The following CEMIP variants were observed in gnomAD, a reference collection of about 807,000 sequenced individuals.
The protein encoded by CEMIP is cell migration inducing hyaluronidase 1, also known as cell migration-inducing and hyaluronan-binding protein.
A neutral mutation model predicts 156.9 loss-of-function variants in CEMIP; 105 were observed. The observed-to-expected ratio is 0.67, with a 90% CI of 0.57 to 0.79. The LOEUF (loss-of-function observed/expected upper bound fraction) is 0.79. CEMIP is among the 30% of genes least tolerant of loss of function. CEMIP has a pLI of 0.00. For missense variants in CEMIP, 1,457 were observed against 1,769.4 expected, an observed-to-expected ratio of 0.82 and a Z score of 3.17; for synonymous variants, 676 against 668.4, an observed-to-expected ratio of 1.01 and a Z score of -0.17.
At chr15:80,888,531 A>T (rs564702066) in intron 8 of CEMIP, among the ~76,000 whole-genome samples, 170 bp from the exon 9 acceptor site, 1 of 152,180 alleles carries the variant, frequency 6.6e-6, no homozygotes, top group East Asian at 1.9e-4. Context: ...ATGGATGATC[A>T]TCTCTTCCCA....
At chr15:80,887,374 C>T (rs1472857839) in intron 7 of CEMIP, among the ~76,000 whole-genome samples, 3 of 152,270 alleles carry the variant, frequency 2.0e-5, no homozygotes, top group Non-Finnish European at 2.9e-5. Flanking sequence ...TTGAGCCTGG[C>T]GGGTGGTATA....
chr15:80,923,219 G>C (rs1288354255), intron 17 of CEMIP, among the ~76,000 whole-genome samples: 3 of 152,084 alleles, frequency 2.0e-5, no homozygotes, highest in Non-Finnish European at 2.9e-5. Flanking sequence ...TAGTGTCATG[G>C]GGCAGTGAGC....
chr15:80,844,246 C>T (rs529200667), intron 1 of CEMIP, among the ~76,000 whole-genome samples: 1 of 152,236 alleles, frequency 6.6e-6, no homozygotes, highest in South Asian at 2.1e-4. Flanking sequence ...GCGCCCTCCC[C>T]CTGCCTGGGA....
At chr15:80,925,826 A>G in intron 19 of CEMIP, 71 bp downstream of exon 19, 1 of 1,561,492 alleles carries the variant, frequency 6.4e-7, no homozygotes. Flanking sequence ...CCCTACAGAG[A>G]CAGGAGAGCA....
chr15:80,861,297 G>A (rs1039436122), intron 1 of CEMIP, among the ~76,000 whole-genome samples: 3 of 152,084 alleles, frequency 2.0e-5, no homozygotes, highest in Non-Finnish European at 2.9e-5. Context: ...AGTACACATC[G>A]ACTCACTCCT....
chr15:80,828,114 C>A (rs1289711538), intron 1 of CEMIP, among the ~76,000 whole-genome samples: 1 of 152,182 alleles, frequency 6.6e-6, no homozygotes, highest in East Asian at 1.9e-4. Context: ...TGTGGTGGCT[C>A]ACGCCTATAA....
chr15:80,848,139 C>T (rs1175805275), intron 1 of CEMIP, among the ~76,000 whole-genome samples: 2 of 152,140 alleles, frequency 1.3e-5, no homozygotes, highest in Non-Finnish European at 2.9e-5. Context: ...ATCAGAAAGC[C>T]TGGAAAAACA....
chr15:80,817,602 AAAT>A (rs59356064), intron 1 of CEMIP, among the ~76,000 whole-genome samples: 4,651 of 138,732 alleles, frequency 0.034, 156 homozygotes, highest in African/African-American at 0.087. Flanking sequence ...CCCTGTCTCA[AAAT>A]AATAATAATA....
In CEMIP at chr15:80,925,625, T is replaced by A; in HGVS notation, c.2290T>A (p.Tyr764Asn). 6.2e-7 allele frequency: 1 copy of A among 1,612,420 alleles called. No individual in the cohort carries two copies. The highest frequency in any genetic ancestry group is 2.2e-5 in the East Asian group (1 of 44,870). ...RPFLSIISAR[Y>N]SPHQDADPLK... is the part of the protein sequence containing the mutation. ...GCCCTCCCCATGGTTGTGCTGCAGATACAGCCCTCACCAGGACGCCGACCC... is the reference window on the plus strand; with the variant it reads ...GCCCTCCCCATGGTTGTGCTGCAGAAACAGCCCTCACCAGGACGCCGACCC... The change falls in exon 19 of 30, where the codon TAC becomes AAC. Residue 764 changes from tyrosine to asparagine, a missense_variant and splice_region_variant. Physicochemically the swap from Tyr to Asn is moderately radical, Grantham distance 143. Around this residue, in one of 5 missense-constraint regions of CEMIP, gnomAD observed 798 missense variants for 980.1 expected, o/e 0.81. Transcript: ENST00000394685.
chr15:80,921,099 G>C lies in CEMIP; in HGVS notation c.2071G>C (p.Glu691Gln). The C allele has an allele frequency of 6.2e-7, 1 of 1,613,948 alleles. No homozygotes were observed. The highest frequency in any genetic ancestry group is 1.1e-5 in the South Asian group (1 of 91,062). Reference protein sequence around the residue: ...NLINCAAAGSEETGFWFIFHH... With the variant: ...NLINCAAAGSQETGFWFIFHH... ...CATCAACTGTGCCGCTGCAGGATCT[G>C]AGGTGAGCAGAAATATTCCTTCTTT... The change falls in exon 16 of 30, where the codon GAG becomes CAG. Residue 691 changes from glutamate (E) to glutamine (Q), a missense_variant and splice_region_variant. Glu to Gln is a conservative substitution (Grantham distance 29, BLOSUM62 2). Around this residue, in one of 5 missense-constraint regions of CEMIP, gnomAD observed 798 missense variants for 980.1 expected, o/e 0.81. Coordinates refer to ENST00000394685, the MANE Select transcript of CEMIP (RefSeq NM_001293298.2).
At chr15:80,789,976 G>A (rs1221078199) in intron 1 of CEMIP, among the ~76,000 whole-genome samples, 2 of 152,212 alleles carry the variant, frequency 1.3e-5, no homozygotes, top group East Asian at 1.9e-4. Flanking sequence ...GGGGGAACGA[G>A]GGGCAGAGAG....
intron 1 of CEMIP, among the ~76,000 whole-genome samples, chr15:80,832,322 C>CTCTCTGTGTG (rs1555429057): frequency 1.0e-4 from 13 of 128,108 alleles, no homozygotes; most frequent in South Asian, 5.6e-4. Flanking sequence ...AAAATAAACT[C>CTCTCTGTGTG]TGTGTGTGTG....
intron 1 of CEMIP, among the ~76,000 whole-genome samples, chr15:80,818,314 C>G (rs1264094581): frequency 6.6e-6 from 1 of 152,170 alleles, no homozygotes; most frequent in Non-Finnish European, 1.5e-5. Context: ...TAAGACTTCA[C>G]TTGTGTGACA....
intron 14 of CEMIP, chr15:80,909,735 G>A: frequency 2.3e-6 from 1 of 426,720 alleles, no homozygotes; most frequent in South Asian, 1.6e-5. Context: ...TGAACCAAGT[G>A]TTCCTTCAGA....
intron 9 of CEMIP, 128 bp downstream of exon 9, chr15:80,888,924 A>C (rs1898942559): frequency 2.3e-6 from 2 of 880,440 alleles, no homozygotes; most frequent in Non-Finnish European, 3.8e-6. Flanking sequence ...GAATCAACTA[A>C]AAATGTGCAA....
intron 1 of CEMIP, among the ~76,000 whole-genome samples, chr15:80,812,226 T>C (rs952309349): frequency 3.3e-5 from 5 of 152,212 alleles, no homozygotes; most frequent in Admixed American, 6.5e-5. Flanking sequence ...TTGGCAAACC[T>C]CTCATGAGCA....
intron 1 of CEMIP, among the ~76,000 whole-genome samples, chr15:80,865,504 C>G (rs1404439921): frequency 6.6e-6 from 1 of 152,100 alleles, no homozygotes; most frequent in Non-Finnish European, 1.5e-5. Context: ...TTAATTTTAT[C>G]TAATTATAAT....
intron 1 of CEMIP, among the ~76,000 whole-genome samples, chr15:80,839,289 AG>A (rs147573202): frequency 3.8e-5 from 5 of 131,184 alleles, no homozygotes; most frequent in African/African-American, 1.5e-4. Flanking sequence ...CAAGGCCGTG[AG>A]TGTGTGTGTG....
chr15:80,796,365 A>C (rs566546415), intron 1 of CEMIP, among the ~76,000 whole-genome samples: 146 of 152,334 alleles, frequency 9.6e-4, no homozygotes, highest in African/African-American at 3.3e-3. Context: ...ATGGGGCTGC[A>C]GTGAAATCCA....
Sources: allele counts gnomAD v4.1 joint callset (sites outside exome capture counted in the v4.1 genomes callset), GRCh38; gene constraint gnomAD v4.1.1; regional missense constraint gnomAD v4.1.1; transcripts MANE v1.5; gene names NCBI Gene and HGNC (gene_info 2026-07-23, HGNC 2026-07-21).